Variants in MAP2K5 observed in about 807,000 individuals in gnomAD.
The protein encoded by MAP2K5 is dual specificity mitogen-activated protein kinase kinase 5.
MAP2K5 carries 49 observed loss-of-function variants against 83.1 expected under a neutral mutation model. The ratio of observed to expected loss-of-function variants is 0.59; its 90% CI spans 0.47 to 0.75. The LOEUF (loss-of-function observed/expected upper bound fraction) is 0.75, where lower values mean the gene tolerates loss of function less well. Ranked by LOEUF, MAP2K5 falls within the 30% of genes least tolerant of loss-of-function variation. MAP2K5 has a pLI of 0.00. For missense variants in MAP2K5, 457 were observed against 557.5 expected (o/e 0.82, Z 1.82); for synonymous variants, 202 against 191.8 (o/e 1.05, Z -0.44).
intron 4 of MAP2K5, 132 bp from the exon 5 acceptor site, chr15:67,585,758 T>C: frequency 1.4e-6 from 1 of 738,358 alleles, no homozygotes. Context: ...ACTTTGGGTC[T>C]TGGGAGCCAC....
chr15:67,788,827 G>C (rs1288522595), intron 21 of MAP2K5, among the ~76,000 whole-genome samples: 1 of 151,998 alleles, frequency 6.6e-6, no homozygotes. Flanking sequence ...TTAAAAACTA[G>C]TTGGACATGG....
At position 67,573,899 on chromosome 15, in the gene MAP2K5, T is replaced by C. The variant is rs2140982351; in HGVS notation, c.253-6855T>C. On this transcript the variant is annotated intron_variant, in intron 3 of 21. Transcript: ENST00000178640. This position sits in a 1 kb window ranked among gnomAD's most constrained non-coding sequence, Gnocchi z 4.2. ...GCAGCGCATCTCCTCCATATGGTTT[T>C]TTGCTTTGTTATTTTACATATAAAC... 6.6e-6 allele frequency among the ~76,000 whole-genome samples: 1 copy of C among 152,304 alleles called. No individual in the cohort carries two copies. Among genetic ancestry groups the C allele is most frequent in the East Asian group, 1.9e-4 (1 of 5,186 alleles).
At chr15:67,554,748 CTCT>C in intron 2 of MAP2K5, among the ~76,000 whole-genome samples, 1 of 152,304 alleles carries the variant, frequency 6.6e-6, no homozygotes, top group African/African-American at 2.4e-5. Context: ...CACTCTTTCT[CTCT>C]TCTTAGTAAT....
At position 67,774,471 on chromosome 15, in the gene MAP2K5, A is replaced by ATG. The variant is rs2090202190; in HGVS notation, c.1242+1722_1242+1723dup. Among the ~76,000 whole-genome samples the ATG allele has an allele frequency of 6.6e-6, 1 of 151,990 alleles. No individual in the cohort carries two copies. The highest frequency in any genetic ancestry group is 1.5e-5 in the Non-Finnish European group (1 of 67,998). ...GAGGAGGCAGGGAACAATAGACTATATGTGAAGCTGCTGTGGTCAGAGAGT... is the reference window on the plus strand; with the variant it reads ...GAGGAGGCAGGGAACAATAGACTATATGTGTGAAGCTGCTGTGGTCAGAGAGT... On this transcript the variant is annotated intron_variant, in intron 21 of 21. Coordinates refer to ENST00000178640, the MANE Select transcript of MAP2K5 (RefSeq NM_145160.3). This position sits in a 1 kb window ranked among gnomAD's most constrained non-coding sequence, Gnocchi z 4.9.
At chr15:67,723,302 G>C (rs1460836989) in intron 16 of MAP2K5, among the ~76,000 whole-genome samples, 1 of 152,110 alleles carries the variant, frequency 6.6e-6, no homozygotes, top group East Asian at 1.9e-4. Context: ...AAATATATTT[G>C]TTATTTAAAT....
Position 67,769,742 on chromosome 15 carries a change from T to A in MAP2K5, c.1196+79T>A. 1 of 1,387,168 alleles carries A rather than the reference T, an allele frequency of 7.2e-7. No individual in the cohort carries two copies. Among genetic ancestry groups the A allele is most frequent in the Non-Finnish European group, 1.0e-6 (1 of 980,156 alleles). The allele number at this position is 1,387,168 out of a possible 1,614,324, so 85.9% of individuals were successfully genotyped here. On this transcript the variant is annotated intron_variant, in intron 20 of 21. Coordinates refer to ENST00000178640, the MANE Select transcript of MAP2K5 (RefSeq NM_145160.3). The surrounding 1 kb of genome is among the most constrained non-coding windows in gnomAD (Gnocchi z 5.2). Reference sequence around the variant, plus strand: ...AACTCGGCAGCTCCGTGAGACCTTATGGCTCTCCCTGCATCCTTTTGGAGA... The same window carrying A: ...AACTCGGCAGCTCCGTGAGACCTTAAGGCTCTCCCTGCATCCTTTTGGAGA...
chr15:67,636,999 C>G lies in MAP2K5; in HGVS notation c.585+6072C>G, dbSNP rs2086615551. Reference sequence around the variant, plus strand: ...ACTTGCTGAGTCTTCCCGCCTTCATCTTTCTTCCATGCTGGATGCTTCCTG... The same window carrying G: ...ACTTGCTGAGTCTTCCCGCCTTCATGTTTCTTCCATGCTGGATGCTTCCTG... On this transcript the variant is annotated intron_variant, in intron 9 of 21. Transcript: ENST00000178640. The surrounding 1 kb of genome is among the most constrained non-coding windows in gnomAD (Gnocchi z 4.7). 2.6e-5 allele frequency among the ~76,000 whole-genome samples: 4 copies of G among 152,164 alleles called. No homozygotes were observed. The South Asian group carries it at 8.3e-4, about 32-fold the overall frequency.
rs369888478 is a variant in MAP2K5, at chr15:67,775,914, A to G, written c.1242+3162A>G. The stretch of plus-strand genomic sequence containing the variant: ...ACCTGGTGGAGTTCAAACAGGCAAC[A>G]TATTCACCACCAGCTGGGCAATCTC... On this transcript the variant is annotated intron_variant, in intron 21 of 21. Transcript: ENST00000178640. The surrounding 1 kb of genome is among the most constrained non-coding windows in gnomAD (Gnocchi z 5.3). 1.1e-4 allele frequency among the ~76,000 whole-genome samples: 17 copies of G among 152,334 alleles called. 1 individual carries two copies. The highest frequency in any genetic ancestry group is 5.8e-4 in the East Asian group (3 of 5,180).
At position 67,728,015 on chromosome 15, in the gene MAP2K5, T is replaced by C. The variant is rs577360962; in HGVS notation, c.1074+70T>C. 1.3e-4 allele frequency: 163 copies of C among 1,240,030 alleles called. 2 individuals carry two copies. In the South Asian group the frequency reaches 1.8e-3, roughly 14 times the overall value. 76.8% of individuals were successfully genotyped at this position (1,240,030 alleles called of 1,614,324 possible). On this transcript the variant is annotated intron_variant, in intron 17 of 21. Transcript: ENST00000178640. ...CTATGTATGAAGGTGCAGGGAGCAATTGTGAACATTTGAGCCACATACAAA... is the reference window on the plus strand; with the variant it reads ...CTATGTATGAAGGTGCAGGGAGCAACTGTGAACATTTGAGCCACATACAAA...
chr15:67,729,077 T>A (rs2089165651), intron 17 of MAP2K5, among the ~76,000 whole-genome samples: 1 of 152,266 alleles, frequency 6.6e-6, no homozygotes, highest in Non-Finnish European at 1.5e-5. Flanking sequence ...AATGTAATCT[T>A]TTCCTTATAG....
chr15:67,693,813 G>A (rs1041575060), intron 15 of MAP2K5, among the ~76,000 whole-genome samples: 2 of 152,094 alleles, frequency 1.3e-5, no homozygotes, highest in Non-Finnish European at 1.5e-5. Flanking sequence ...GCTGAGTTTC[G>A]AAGTTTAATC....
chr15:67,630,750 T>TA, intron 8 of MAP2K5, 138 bp from the exon 9 acceptor site: 1 of 657,000 alleles, frequency 1.5e-6, no homozygotes, highest in Non-Finnish European at 2.7e-6. Flanking sequence ...AAATGTAAAT[T>TA]ACTAATGTTG....
rs1353046523 is a variant in MAP2K5 at position 67,746,761 on chromosome 15, G to A, written c.1075-1470G>A. Among the ~76,000 whole-genome samples the A allele has an allele frequency of 6.6e-6, 1 of 152,192 alleles. No individual in the cohort carries two copies. The highest frequency in any genetic ancestry group is 2.4e-5 in the African/African-American group (1 of 41,438). On this transcript the variant is annotated intron_variant, in intron 17 of 21. Transcript: ENST00000178640. The surrounding 1 kb of genome is among the most constrained non-coding windows in gnomAD (Gnocchi z 4.1). ...GGTTTCTGAAAGTAGTGATTGGGGA[G>A]GAAGTGATGAAAAGCCAATAAGAGC...
chr15:67,641,748 G>T (rs1567329570), intron 9 of MAP2K5: 7 of 388,438 alleles, frequency 1.8e-5, no homozygotes, highest in Non-Finnish European at 2.1e-5. Context: ...TTCCTAAGGA[G>T]AAAAAAATAA....
Position 67,623,222 on chromosome 15 carries a change from C to T in MAP2K5, c.546-7666C>T, listed in dbSNP as rs558699682. Among the ~76,000 whole-genome samples, 15 of 152,288 alleles carry T rather than the reference C, an allele frequency of 9.8e-5. No individual in the cohort carries two copies. The South Asian group carries it at 2.9e-3, about 30-fold the overall frequency. On this transcript the variant is annotated intron_variant, in intron 8 of 21. Coordinates refer to ENST00000178640, the MANE Select transcript of MAP2K5 (RefSeq NM_145160.3). ...TGGCCTTCTCATGATTGTTTAGTGA[C>T]GTTTCTGCTGAGATTAACACCTGAA...
In MAP2K5 at chr15:67,718,373, G is replaced by T. The variant is rs79218062; in HGVS notation, c.1045-9543G>T. 2.8e-3 allele frequency among the ~76,000 whole-genome samples: 429 copies of T among 152,288 alleles called. 19 individuals carry two copies. The East Asian group carries it at 0.073, about 26-fold the overall frequency. On this transcript the variant is annotated intron_variant, in intron 16 of 21. Transcript: ENST00000178640. The stretch of plus-strand genomic sequence containing the variant: ...AGCGTTACACAAACTTTTTAAAAGG[G>T]TGTTATTTCTTAATTCTTATTATGA...
chr15:67,691,318 G>T (rs1400391785), intron 13 of MAP2K5, among the ~76,000 whole-genome samples: 1 of 152,144 alleles, frequency 6.6e-6, no homozygotes, highest in East Asian at 1.9e-4. Flanking sequence ...TATTTAGCAG[G>T]CTAAATGAGC....
intron 13 of MAP2K5, among the ~76,000 whole-genome samples, chr15:67,684,363 C>A (rs1388747445): frequency 6.6e-6 from 1 of 152,148 alleles, no homozygotes; most frequent in Admixed American, 6.5e-5. Flanking sequence ...AGCAGTGGGG[C>A]TAAACTAGCC....
chr15:67,585,765 C>A, intron 4 of MAP2K5, 125 bp from the exon 5 acceptor site: 2 of 773,332 alleles, frequency 2.6e-6, no homozygotes, highest in South Asian at 1.5e-5. Flanking sequence ...GTCTTGGGAG[C>A]CACTTTTCAA....
Sources: allele counts gnomAD v4.1 joint callset (sites outside exome capture counted in the v4.1 genomes callset), GRCh38; gene constraint gnomAD v4.1.1; non-coding constraint Gnocchi (gnomAD v3.1); transcripts MANE v1.5; gene names NCBI Gene and HGNC (gene_info 2026-07-23, HGNC 2026-07-21).